Variants in SDK1 observed in about 807,000 individuals in gnomAD.
SDK1 encodes sidekick cell adhesion molecule 1.
Under a neutral mutation model 245.5 loss-of-function variants are expected in SDK1, and 157 were observed. The observed-to-expected ratio is 0.64, with a 90% CI of 0.56 to 0.73. SDK1 has a LOEUF of 0.73. SDK1 is among the 30% of genes least tolerant of loss of function. The pLI, the probability that SDK1 is intolerant of heterozygous loss-of-function variation, is 0.00. For missense variants in SDK1, 3,583 were observed against 3,002.3 expected, an observed-to-expected ratio of 1.19 and a Z score of -4.52; for synonymous variants, 1,647 against 1,278.5, an observed-to-expected ratio of 1.29 and a Z score of -6.15.
At chr7:3,344,573 C>G (rs186847358) in intron 1 of SDK1, among the ~76,000 whole-genome samples, 64 of 152,258 alleles carry the variant, frequency 4.2e-4, no homozygotes, top group Admixed American at 1.2e-3. Context: ...GACAGTTGCT[C>G]TTGTTATCAT....
At chr7:4,175,543 C>T (rs560741918) in intron 33 of SDK1, among the ~76,000 whole-genome samples, 2 of 152,354 alleles carry the variant, frequency 1.3e-5, no homozygotes, top group Admixed American at 1.3e-4. Flanking sequence ...CACACCCCGC[C>T]TGTCCGGGAC....
intron 25 of SDK1, among the ~76,000 whole-genome samples, chr7:4,119,514 A>G (rs1280993558): frequency 1.3e-5 from 2 of 148,762 alleles, no homozygotes; most frequent in African/African-American, 4.9e-5. Context: ...TGGAAGGCCC[A>G]GAAAATCTGT....
rs569656300 is a variant in SDK1, at chr7:4,243,562, G to A, written c.6251+1649G>A. Among the ~76,000 whole-genome samples, 11 of 152,322 alleles carry A rather than the reference G, an allele frequency of 7.2e-5. No individual in the cohort carries two copies. In the East Asian group the frequency reaches 9.6e-4, roughly 13 times the overall value. The stretch of plus-strand genomic sequence containing the variant: ...AAGGAGGAGCAAAGTCACGTCTTAC[G>A]TGGTGGCAGGCAAAGAGAGAGTTTG... On this transcript the variant is annotated intron_variant, in intron 43 of 44. Coordinates refer to ENST00000404826, the MANE Select transcript of SDK1 (RefSeq NM_152744.4).
chr7:3,361,633 G>C (rs762701416), intron 1 of SDK1, among the ~76,000 whole-genome samples: 20 of 152,286 alleles, frequency 1.3e-4, no homozygotes, highest in Middle Eastern at 6.8e-3. Flanking sequence ...TGAAATAAGA[G>C]CAAGGTGTGG....
chr7:4,215,849 C>T (rs1393865824), intron 38 of SDK1, among the ~76,000 whole-genome samples: 3 of 152,170 alleles, frequency 2.0e-5, no homozygotes, highest in Non-Finnish European at 4.4e-5. Context: ...TCCCCCCTGC[C>T]CTGCTCCACT....
At chr7:4,065,633 A>G (rs1211495447) in intron 19 of SDK1, among the ~76,000 whole-genome samples, 2 of 148,792 alleles carry the variant, frequency 1.3e-5, no homozygotes, top group African/African-American at 2.5e-5. Context: ...GAAATTTATC[A>G]GAGCATTTGA....
chr7:3,871,853 G>T (rs1238769741), intron 5 of SDK1, among the ~76,000 whole-genome samples: 1 of 152,080 alleles, frequency 6.6e-6, no homozygotes, highest in Non-Finnish European at 1.5e-5. Context: ...TTATCAGAGT[G>T]GTTAGAAAAA....
intron 1 of SDK1, among the ~76,000 whole-genome samples, chr7:3,371,033 G>A (rs1008681892): frequency 2.0e-5 from 3 of 152,132 alleles, no homozygotes; most frequent in Non-Finnish European, 2.9e-5. Context: ...TTTTTGAAAC[G>A]GAGGAAGAGC....
At chr7:3,931,135 C>G (rs1779962692) in intron 5 of SDK1, among the ~76,000 whole-genome samples, 1 of 152,184 alleles carries the variant, frequency 6.6e-6, no homozygotes, top group African/African-American at 2.4e-5. Context: ...ATCCTTGGGG[C>G]TTCGGTTCCT....
At chr7:3,394,629 A>G (rs557756739) in intron 1 of SDK1, among the ~76,000 whole-genome samples, 1 of 152,088 alleles carries the variant, frequency 6.6e-6, no homozygotes, top group Admixed American at 6.6e-5. Flanking sequence ...CATTTTAACA[A>G]TATTGAGTCT....
intron 1 of SDK1, among the ~76,000 whole-genome samples, chr7:3,412,771 A>G (rs1779250041): frequency 6.6e-6 from 1 of 152,156 alleles, no homozygotes; most frequent in Admixed American, 6.5e-5. Flanking sequence ...ATAACTACCA[A>G]TTAGGAATTT....
chr7:3,915,078 A>T (rs1180862848), intron 5 of SDK1, among the ~76,000 whole-genome samples: 2 of 152,316 alleles, frequency 1.3e-5, no homozygotes, highest in African/African-American at 4.8e-5. Context: ...ACGGCCGTGG[A>T]ATCTGAGAGC....
intron 41 of SDK1, 22 bp from the exon 42 acceptor site, chr7:4,237,625 T>C (rs374222599): frequency 6.2e-7 from 1 of 1,613,988 alleles, no homozygotes. Context: ...CATGTCATTG[T>C]GTGTCCGTGT....
At chr7:4,223,685 A>C (rs1377849114) in intron 40 of SDK1, among the ~76,000 whole-genome samples, 1 of 152,190 alleles carries the variant, frequency 6.6e-6, no homozygotes, top group African/African-American at 2.4e-5. Flanking sequence ...TTACATCTGC[A>C]ACTACCCTAT....
At chr7:3,987,450 G>T (rs1041118667) in intron 14 of SDK1, 128 bp downstream of exon 14, 2 of 979,262 alleles carry the variant, frequency 2.0e-6, no homozygotes, top group Non-Finnish European at 3.1e-6. Flanking sequence ...GCTTTACAGG[G>T]TTTCAAACAC....
intron 44 of SDK1, among the ~76,000 whole-genome samples, chr7:4,262,559 C>A (rs1254330113): frequency 1.3e-5 from 2 of 151,766 alleles, no homozygotes; most frequent in Non-Finnish European, 2.9e-5. Flanking sequence ...CCATTCAGTA[C>A]CTGGCCGGGG....
At chr7:3,756,627 C>T (rs1043507565) in intron 4 of SDK1, among the ~76,000 whole-genome samples, 1 of 152,042 alleles carries the variant, frequency 6.6e-6, no homozygotes, top group Non-Finnish European at 1.5e-5. Context: ...CCTTTTCCTG[C>T]CCCAGGATCC....
At chr7:4,001,862 G>T (rs544074555) in intron 14 of SDK1, among the ~76,000 whole-genome samples, 1 of 152,284 alleles carries the variant, frequency 6.6e-6, no homozygotes, top group Admixed American at 6.5e-5. Flanking sequence ...TGTCACTCCT[G>T]TGGCCTCTGT....
chr7:3,448,846 G>C (rs575019393), intron 1 of SDK1, among the ~76,000 whole-genome samples: 8 of 152,206 alleles, frequency 5.3e-5, no homozygotes, highest in African/African-American at 1.7e-4. Context: ...AGTTGAAAAG[G>C]TTATTTCTCT....
Sources: gnomAD v4.1 joint callset for allele counts (sites outside exome capture counted in the v4.1 genomes callset) on GRCh38, gnomAD v4.1.1 for gene constraint, MANE v1.5 for transcripts, NCBI Gene and HGNC (gene_info 2026-07-23, HGNC 2026-07-21) for gene names.